The following NAA60 variants were observed in gnomAD, a reference collection of about 807,000 sequenced individuals.
NAA60 encodes N-alpha-acetyltransferase 60.
In NAA60, 8 loss-of-function variants were observed where a neutral mutation model predicts 26.1. That is an observed-to-expected ratio of 0.31 (90% confidence interval 0.18 to 0.55). The LOEUF is 0.55. Among genes scored for constraint, NAA60 ranks in the 20% least tolerant of loss-of-function variants. The pLI is 0.93. For missense variants in NAA60, 290 were observed against 311.3 expected, an observed-to-expected ratio of 0.93 and a Z score of 0.51; for synonymous variants, 131 against 122.5, an observed-to-expected ratio of 1.07 and a Z score of -0.46.
chr16:3,476,041 T>C (rs1221353560), intron 2 of NAA60, 181 bp from the exon 3 acceptor site: 1 of 571,844 alleles, frequency 1.7e-6, no homozygotes, highest in Non-Finnish European at 3.1e-6. Flanking sequence ...TTCCCAGCGA[T>C]GGGGGCGACT....
intron 1 of NAA60, among the ~76,000 whole-genome samples, chr16:3,444,998 A>G (rs901504661): frequency 1.3e-5 from 2 of 152,252 alleles, no homozygotes; most frequent in African/African-American, 4.8e-5. Flanking sequence ...AACTAGCAGT[A>G]TCTGCCACAA....
chr16:3,458,017 G>T lies in NAA60; in HGVS notation c.-7+9477G>T. 3.0e-6 allele frequency: 3 copies of T among 985,368 alleles called. No homozygotes were observed. The South Asian group carries it at 1.4e-4, about 46-fold the overall frequency. 61.0% of individuals were successfully genotyped at this position (985,368 alleles called of 1,614,324 possible). A position where few individuals can be genotyped will look rare whatever the true frequency, so the allele number is the denominator to read the frequency against. On this transcript the variant is annotated intron_variant, in intron 2 of 7. Coordinates refer to ENST00000407558, the MANE Select transcript of NAA60 (RefSeq NM_001083601.3). ...TTCCGGGCTGCGCTGCCGGCAGGGA[G>T]CGGGAGGCGGAAGTGCCGCGGGCTG...
chr16:3,475,063 G>C (rs1053876763), intron 2 of NAA60, among the ~76,000 whole-genome samples: 7 of 150,802 alleles, frequency 4.6e-5, no homozygotes, highest in Admixed American at 2.6e-4. Flanking sequence ...TTACAGGCAT[G>C]AGCCACCACA....
At chr16:3,481,419 C>T (rs1222114423) in intron 4 of NAA60, among the ~76,000 whole-genome samples, 5 of 152,160 alleles carry the variant, frequency 3.3e-5, no homozygotes, top group Non-Finnish European at 7.4e-5. Flanking sequence ...GTGGTCCCCC[C>T]CTTCCCCCAA....
chr16:3,472,370 C>A (rs1410382053), intron 2 of NAA60: 1 of 152,170 alleles, frequency 6.6e-6, no homozygotes, highest in East Asian at 1.9e-4. Context: ...CCAGTCTCTC[C>A]GGAATGAGAA....
At chr16:3,459,534 G>A (rs976642227) in intron 2 of NAA60, among the ~76,000 whole-genome samples, 1 of 152,224 alleles carries the variant, frequency 6.6e-6, no homozygotes, top group Non-Finnish European at 1.5e-5. Context: ...CATCACAGCA[G>A]TGAAGGCTAG....
intron 2 of NAA60, among the ~76,000 whole-genome samples, chr16:3,454,111 TAAGAG>T (rs918529072): frequency 2.0e-5 from 3 of 152,172 alleles, no homozygotes; most frequent in African/African-American, 7.2e-5. Context: ...TCATGGGACT[TAAGAG>T]AGGAAGGGCA....
rs953450736 is a variant in NAA60 at position 3,457,850 on chromosome 16, C to A, written c.-7+9310C>A. On this transcript the variant is annotated intron_variant, in intron 2 of 7. Coordinates refer to ENST00000407558, the MANE Select transcript of NAA60 (RefSeq NM_001083601.3). ...CCCGGAGCGAGGGACAGGGAAGGAG[C>A]CGGCCCTCACCAGTGCCCCGCATAC... is the stretch of plus-strand genomic sequence containing the variant. The A allele has an allele frequency of 1.1e-5, 5 of 464,488 alleles. No homozygotes were observed. The South Asian group carries it at 4.4e-4, about 41-fold the overall frequency. The allele number at this position is 464,488 out of a possible 1,614,324, so 28.8% of individuals were successfully genotyped here.
At chr16:3,471,007 C>T (rs1280022051) in intron 2 of NAA60, among the ~76,000 whole-genome samples, 2 of 152,144 alleles carry the variant, frequency 1.3e-5, no homozygotes, top group East Asian at 1.9e-4. Flanking sequence ...TCCAGAAACA[C>T]GGAAGCACTT....
In NAA60 at chr16:3,460,483, C is replaced by A. The variant is rs184376843; in HGVS notation, c.-7+11943C>A. On this transcript the variant is annotated intron_variant, in intron 2 of 7. Coordinates refer to ENST00000407558, the MANE Select transcript of NAA60 (RefSeq NM_001083601.3). ...AACTCAAGTGATTCTCCTGCTTCAG[C>A]CTCCTGAGTAGCTGGGATTACAGTC... Among the ~76,000 whole-genome samples the A allele has an allele frequency of 1.3e-3, 191 of 152,344 alleles. 4 individuals are homozygous for A. In the South Asian group the frequency reaches 0.025, roughly 20 times the overall value.
intron 1 of NAA60, chr16:3,447,375 T>C (rs2034598646): frequency 1.6e-6 from 1 of 617,798 alleles, no homozygotes. Context: ...GATGCAGGCA[T>C]GCAATGTGTA....
chr16:3,458,113 C>T lies in NAA60; in HGVS notation c.-7+9573C>T, dbSNP rs532098060. ...GCGGGCTCCGCGCGGTCCCACTTCC[C>T]GGCTCCCTTCGCCTCCAGGATGCGC... On this transcript the variant is annotated intron_variant, in intron 2 of 7. Transcript: ENST00000407558. 20 of 985,272 alleles carry T rather than the reference C, an allele frequency of 2.0e-5. No homozygotes were observed. In the South Asian group the frequency reaches 3.3e-4, roughly 16 times the overall value. 61.0% of individuals were successfully genotyped at this position (985,272 alleles called of 1,614,324 possible).
intron 1 of NAA60, among the ~76,000 whole-genome samples, chr16:3,446,249 A>G (rs1273229452): frequency 6.6e-6 from 1 of 152,176 alleles, no homozygotes; most frequent in African/African-American, 2.4e-5. Context: ...AAGTTAGGAA[A>G]GGCTGGGTGC....
rs191842130 is a variant in NAA60, at chr16:3,445,403, A to G, written c.-77+1566A>G. On this transcript the variant is annotated intron_variant, in intron 1 of 7. Coordinates refer to ENST00000407558, the MANE Select transcript of NAA60 (RefSeq NM_001083601.3). ...ATTCTCCTGCCTAAGCCTCCTGAGTAGCTGGGACTACAGGTGCCCGCCACC... is the reference window on the plus strand; with the variant it reads ...ATTCTCCTGCCTAAGCCTCCTGAGTGGCTGGGACTACAGGTGCCCGCCACC... Among the ~76,000 whole-genome samples, 569 of 150,964 alleles carry G rather than the reference A, an allele frequency of 3.8e-3. 3 individuals carry two copies. The highest frequency in any genetic ancestry group is 0.013 in the African/African-American group (543 of 41,116).
At chr16:3,469,015 G>A (rs1327678649) in intron 2 of NAA60, among the ~76,000 whole-genome samples, 1 of 151,714 alleles carries the variant, frequency 6.6e-6, no homozygotes, top group East Asian at 1.9e-4. Flanking sequence ...GAACTCGGGA[G>A]GCAGAAGTTG....
At chr16:3,443,656 C>G, upstream of NAA60, 1 of 1,303,198 alleles carries the variant, frequency 7.7e-7, no homozygotes, top group Non-Finnish European at 1.0e-6. Flanking sequence ...GGTAGTTTTC[C>G]TCCTTTTCTC....
chr16:3,455,458 G>A (rs1435998121), intron 2 of NAA60, among the ~76,000 whole-genome samples: 2 of 146,700 alleles, frequency 1.4e-5, no homozygotes, highest in East Asian at 2.0e-4. Context: ...GCAGTGGCGC[G>A]ATCTCAGCTC....
rs2036901977 is a variant in NAA60 at position 3,482,498 on chromosome 16, C to T, written c.241-4C>T. 1 of 1,594,116 alleles carries T rather than the reference C, an allele frequency of 6.3e-7. No homozygotes were observed. The highest frequency in any genetic ancestry group is 8.6e-7 in the Non-Finnish European group (1 of 1,169,508). On this transcript the variant is annotated splice_region_variant and splice_polypyrimidine_tract_variant and intron_variant, in intron 4 of 7. Coordinates refer to ENST00000407558, the MANE Select transcript of NAA60 (RefSeq NM_001083601.3). ...CCTGACTTTCTCTCTGACTCTTCCT[C>T]TAGGATGGAGATATTCTAGCATCCA...
intron 2 of NAA60, among the ~76,000 whole-genome samples, chr16:3,469,001 G>C (rs1039624716): frequency 6.6e-6 from 1 of 151,332 alleles, no homozygotes; most frequent in Non-Finnish European, 1.5e-5. Flanking sequence ...CGTGAGAATC[G>C]CTTGAACTCG....
Sources: gnomAD v4.1 joint callset for allele counts (sites outside exome capture counted in the v4.1 genomes callset) on GRCh38, gnomAD v4.1.1 for gene constraint, MANE v1.5 for transcripts, NCBI Gene and HGNC (gene_info 2026-07-23, HGNC 2026-07-21) for gene names.